ZNF462: variants seen among roughly 807,000 people sequenced by gnomAD.
ZNF462 encodes zinc finger PBX1-interacting protein.
ZNF462 carries 10 observed loss-of-function variants against 201.9 expected under a neutral mutation model. The observed-to-expected ratio is 0.05, with a 90% confidence interval of 0.03 to 0.08. The LOEUF (loss-of-function observed/expected upper bound fraction) is 0.08. Ranked by LOEUF, ZNF462 falls within the 10% of genes least tolerant of loss-of-function variation. The pLI is 1.00. For missense variants in ZNF462, 2,523 were observed against 3,168.3 expected (o/e 0.80, Z 4.89); for synonymous variants, 1,227 against 1,193.3 (o/e 1.03, Z -0.58).
At chr9:106,949,372 G>C (rs1438227039) in intron 7 of ZNF462, among the ~76,000 whole-genome samples, 1 of 152,174 alleles carries the variant, frequency 6.6e-6, no homozygotes, top group Non-Finnish European at 1.5e-5. Context: ...GGAAAGCCAA[G>C]AGAACAATTT....
Position 106,927,810 on chromosome 9 carries a change from C to G in ZNF462, c.3898C>G (p.Arg1300Gly), listed in dbSNP as rs1176008720. The G allele has an allele frequency of 6.2e-7, 1 of 1,614,124 alleles. No individual in the cohort carries two copies. Among genetic ancestry groups the G allele is most frequent in the Admixed American group, 1.7e-5 (1 of 60,014 alleles). Residue 1300 changes from arginine (R) to glycine (G), a missense_variant, in exon 3 of 13, where the codon CGA (arginine) becomes GGA (glycine). Arg to Gly is a moderately radical substitution (Grantham distance 125, BLOSUM62 -2). This residue lies in a region of ZNF462 where 222 missense variants were observed against 271.6 expected (regional missense o/e 0.82). Transcript: ENST00000277225. ...GAAAGCCACAGTCACGTCCATCATG[C>G]GATGGGCATTTCTAGATGGCTTGAT... ...ALKATVTSIM[R>G]WAFLDGLIEA...
In ZNF462 at chr9:107,012,439, CTTTTTTTTTTTTTTTT is replaced by C. The variant is rs962253808; in HGVS notation, c.*1419_*1434del. 1.2e-5 allele frequency: 1 copy of C among 86,312 alleles called. No individual in the cohort carries two copies. Among genetic ancestry groups the C allele is most frequent in the African/African-American group, 4.3e-5 (1 of 23,494 alleles). The allele number at this position is 86,312 out of a possible 1,614,324, so 5.3% of individuals were successfully genotyped here. On this transcript the variant is annotated 3_prime_UTR_variant, in exon 13 of 13. Transcript: ENST00000277225. The stretch of plus-strand genomic sequence containing the variant: ...GCCTGGAGAACTACTTTCTTTCTTT[CTTTTTTTTTTTTTTTT>C]TTTTTTTTTAAATCTAGCTGCCAGC...
chr9:107,010,205 A>G lies in ZNF462; in HGVS notation c.7313+537A>G, dbSNP rs1829845508. Among the ~76,000 whole-genome samples the G allele has an allele frequency of 1.3e-5, 2 of 152,054 alleles. No individual in the cohort carries two copies. On this transcript the variant is annotated intron_variant, in intron 12 of 12. Transcript: ENST00000277225. This position sits in a 1 kb window ranked among gnomAD's most constrained non-coding sequence, Gnocchi z 4.6. ...CGTTAGTCCACCAGATGCAGAGAGAACCTAGGATGTGGTCTTTTCAGGAGG... is the reference window on the plus strand; with the variant it reads ...CGTTAGTCCACCAGATGCAGAGAGAGCCTAGGATGTGGTCTTTTCAGGAGG...
chr9:106,947,256 C>G (rs1427484424), intron 7 of ZNF462, among the ~76,000 whole-genome samples: 1 of 152,186 alleles, frequency 6.6e-6, no homozygotes, highest in Admixed American at 6.5e-5. Context: ...CATTTCCCAG[C>G]ACACTGCTTG....
intron 10 of ZNF462, among the ~76,000 whole-genome samples, chr9:106,985,571 T>C (rs1365658296): frequency 1.3e-5 from 2 of 152,196 alleles, no homozygotes; most frequent in African/African-American, 4.8e-5. Flanking sequence ...GACAAGAGCC[T>C]ATCAAAATGC....
chr9:106,875,088 G>A (rs1474643546), intron 1 of ZNF462, among the ~76,000 whole-genome samples: 1 of 152,152 alleles, frequency 6.6e-6, no homozygotes, highest in Admixed American at 6.5e-5. Context: ...ATAGGTAAGT[G>A]TTAGGAATCT....
rs950590280 is a variant in ZNF462 at position 106,954,007 on chromosome 9, C to T, written c.6427+14900C>T. ...CCTCCTTCCCATCCTCATCTCTTAC[C>T]TAAGCCATTAATTACCATGTTTATC... is the stretch of plus-strand genomic sequence containing the variant. On this transcript the variant is annotated intron_variant, in intron 7 of 12. Transcript: ENST00000277225. This position sits in a 1 kb window ranked among gnomAD's most constrained non-coding sequence, Gnocchi z 4.0. 6.6e-6 allele frequency among the ~76,000 whole-genome samples: 1 copy of T among 152,124 alleles called. No individual in the cohort carries two copies. The highest frequency in any genetic ancestry group is 2.4e-5 in the African/African-American group (1 of 41,438).
At chr9:106,941,244 A>C (rs534255226) in intron 7 of ZNF462, among the ~76,000 whole-genome samples, 1 of 152,318 alleles carries the variant, frequency 6.6e-6, no homozygotes, top group African/African-American at 2.4e-5. Flanking sequence ...CGGAAGAATC[A>C]GAAATGAGTA....
Position 106,981,087 on chromosome 9 carries a change from G to A in ZNF462, c.6833-3099G>A, listed in dbSNP as rs187883709. Among the ~76,000 whole-genome samples the A allele has an allele frequency of 1.3e-5, 2 of 152,006 alleles. No homozygotes were observed. Among genetic ancestry groups the A allele is most frequent in the Non-Finnish European group, 2.9e-5 (2 of 68,014 alleles). On this transcript the variant is annotated intron_variant, in intron 9 of 12. Coordinates refer to ENST00000277225, the MANE Select transcript of ZNF462 (RefSeq NM_021224.6). This position sits in a 1 kb window ranked among gnomAD's most constrained non-coding sequence, Gnocchi z 4.0. ...CATGTTAACCATGTTTTTAGAAAGG[G>A]GAAAAAGCTAACTTTTTTTCTAAAA... is the stretch of plus-strand genomic sequence containing the variant.
intron 1 of ZNF462, among the ~76,000 whole-genome samples, chr9:106,863,847 AC>A (rs1472561884): frequency 1.3e-5 from 2 of 151,002 alleles, no homozygotes; most frequent in Non-Finnish European, 3.0e-5. Context: ...GAGGCCGGAG[AC>A]CTGAGCCGAG....
intron 1 of ZNF462, among the ~76,000 whole-genome samples, chr9:106,881,936 A>T (rs1828115756): frequency 6.6e-6 from 1 of 152,188 alleles, no homozygotes; most frequent in Non-Finnish European, 1.5e-5. Context: ...TTGCTACACG[A>T]CTAACTCCTC....
In ZNF462 at chr9:106,929,207, G is replaced by A; in HGVS notation, c.5295G>A (p.Glu1765=). The part of the protein sequence containing the change: ...QLSEELRRAV[E]KKKCSLCSFQ... ...GCGAGGAACTCCGGCGGGCAGTGGA[G>A]AAGAAAAAGTGCTCCTTGTGCTCTT... is the stretch of plus-strand genomic sequence containing the variant. The change falls in exon 3 of 13, where the codon GAG becomes GAA. Residue 1765 remains glutamate (E), a synonymous_variant. Transcript: ENST00000277225. The surrounding 1 kb of genome is among the most constrained non-coding windows in gnomAD (Gnocchi z 8.7). The A allele has an allele frequency of 6.2e-7, 1 of 1,614,166 alleles. No individual in the cohort carries two copies. Among genetic ancestry groups the A allele is most frequent in the Non-Finnish European group, 8.5e-7 (1 of 1,180,018 alleles).
intron 10 of ZNF462, among the ~76,000 whole-genome samples, chr9:106,995,870 G>A (rs1564161426): frequency 6.6e-6 from 1 of 152,128 alleles, no homozygotes; most frequent in African/African-American, 2.4e-5. Flanking sequence ...CAACGTGCAG[G>A]TTTGTCACAT....
rs1830339012 is a variant in ZNF462, at chr9:106,929,482, G to T, written c.5570G>T (p.Ser1857Ile). The change falls in exon 3 of 13, where the codon AGC becomes ATC. Residue 1857 changes from serine to isoleucine, a missense_variant. This residue lies in a region of ZNF462 where 207 missense variants were observed against 231.6 expected (regional missense o/e 0.89). Coordinates refer to ENST00000277225, the MANE Select transcript of ZNF462 (RefSeq NM_021224.6). The surrounding 1 kb of genome is among the most constrained non-coding windows in gnomAD (Gnocchi z 8.7). ...RCIKCFKLSF[S>I]TAELLCMHYT... Reference sequence around the variant, plus strand: ...ATCAAATGCTTCAAGCTGTCCTTTAGCACTGCAGAGCTGCTGTGCATGCAT... The same window carrying T: ...ATCAAATGCTTCAAGCTGTCCTTTATCACTGCAGAGCTGCTGTGCATGCAT... 1 of 1,614,156 alleles carries T rather than the reference G, an allele frequency of 6.2e-7. No individual in the cohort carries two copies. The highest frequency in any genetic ancestry group is 1.3e-5 in the African/African-American group (1 of 75,036).
intron 1 of ZNF462, among the ~76,000 whole-genome samples, chr9:106,881,196 A>G (rs1431440569): frequency 1.3e-5 from 2 of 152,120 alleles, no homozygotes; most frequent in Non-Finnish European, 2.9e-5. Flanking sequence ...GAAACTCTAG[A>G]CCATCTTTTC....
chr9:106,900,776 G>A (rs771100480), intron 1 of ZNF462, among the ~76,000 whole-genome samples: 1 of 152,046 alleles, frequency 6.6e-6, no homozygotes, highest in Non-Finnish European at 1.5e-5. Context: ...TGTAGTTTCT[G>A]GATATTAGTC....
chr9:106,929,523 A>G lies in ZNF462; in HGVS notation c.5611A>G (p.Ser1871Gly), dbSNP rs202002107. ...GTGCATGCATTACACTGACCACCAC[A>G]GTCGGGACCTAAAGAGGGACTTCAT... ...LLCMHYTDHH[S>G]RDLKRDFIIL... The change falls in exon 3 of 13, where the codon AGT becomes GGT. Residue 1871 changes from serine to glycine, a missense_variant. This residue lies in a region of ZNF462 where 207 missense variants were observed against 231.6 expected (regional missense o/e 0.89). Transcript: ENST00000277225. This position sits in a 1 kb window ranked among gnomAD's most constrained non-coding sequence, Gnocchi z 8.7. 25 of 1,614,190 alleles carry G rather than the reference A, an allele frequency of 1.5e-5. No homozygotes were observed. The East Asian group carries it at 4.2e-4, about 27-fold the overall frequency.
At chr9:106,874,447 T>C (rs1315529399) in intron 1 of ZNF462, among the ~76,000 whole-genome samples, 3 of 152,122 alleles carry the variant, frequency 2.0e-5, no homozygotes, top group African/African-American at 7.2e-5. Flanking sequence ...GTGGATACAG[T>C]GAGAACTGGG....
intron 1 of ZNF462, among the ~76,000 whole-genome samples, chr9:106,911,656 T>TAA (rs1034663416): frequency 6.6e-6 from 1 of 152,178 alleles, no homozygotes; most frequent in Non-Finnish European, 1.5e-5. Context: ...CAAAAGCAGG[T>TAA]AAAAGTGTTC....
Sources: gnomAD v4.1 joint callset for allele counts (sites outside exome capture counted in the v4.1 genomes callset) on GRCh38, gnomAD v4.1.1 for gene constraint, gnomAD v4.1.1 regional missense constraint, Gnocchi (gnomAD v3.1) non-coding constraint, MANE v1.5 for transcripts, NCBI Gene and HGNC (gene_info 2026-07-23, HGNC 2026-07-21) for gene names.